The following CEP112 variants were observed in gnomAD, a reference collection of about 807,000 sequenced individuals.
CEP112 encodes the protein centrosomal protein 112, also known as centrosomal protein of 112 kDa.
CEP112 carries 127 observed loss-of-function variants against 153.0 expected under a neutral mutation model. The ratio of observed to expected loss-of-function variants is 0.83; its 90% CI spans 0.72 to 0.96. CEP112 has a LOEUF of 0.96. CEP112 is among the 40% of genes least tolerant of loss of function. The pLI is 0.00. For synonymous variants in CEP112, 358 were observed against 374.4 expected, an observed-to-expected ratio of 0.96 and a Z score of 0.51; for missense variants, 1,089 against 1,101.2, an observed-to-expected ratio of 0.99 and a Z score of 0.16.
chr17:65,843,422 T>C (rs2057600330), intron 21 of CEP112, among the ~76,000 whole-genome samples: 1 of 152,152 alleles, frequency 6.6e-6, no homozygotes, highest in African/African-American at 2.4e-5. Context: ...TTTAAGGATA[T>C]AAAACTTCAC....
chr17:66,119,858 C>T (rs1367040943), intron 6 of CEP112, among the ~76,000 whole-genome samples: 2 of 152,102 alleles, frequency 1.3e-5, no homozygotes, highest in Non-Finnish European at 2.9e-5. Flanking sequence ...GTGAGGGTTC[C>T]AGTTGCTCCT....
chr17:65,719,735 G>A (rs1305075373), intron 23 of CEP112, among the ~76,000 whole-genome samples: 1 of 152,192 alleles, frequency 6.6e-6, no homozygotes, highest in African/African-American at 2.4e-5. Flanking sequence ...GGCTGAAGAT[G>A]AGAGAAAGCT....
chr17:66,007,649 G>T (rs1035808850), intron 16 of CEP112, among the ~76,000 whole-genome samples: 2 of 152,006 alleles, frequency 1.3e-5, no homozygotes, highest in Non-Finnish European at 2.9e-5. Context: ...TTTTACATCA[G>T]TAAAAAATAA....
At position 66,183,104 on chromosome 17, in the gene CEP112, T is replaced by G. The variant is rs1202663225; in HGVS notation, c.106+90A>C. On this transcript the variant is annotated intron_variant, in intron 2 of 26. Coordinates refer to ENST00000535342, the MANE Select transcript of CEP112 (RefSeq NM_001199165.4). ...AAATTGTTACTAGAGAAATTCAGTT[T>G]TTCTTCCATGTTGATAGTTCATTGG... 4.5e-6 allele frequency: 4 copies of G among 886,980 alleles called. No individual in the cohort carries two copies. The East Asian group carries it at 1.1e-4, about 24-fold the overall frequency. The allele number at this position is 886,980 out of a possible 1,614,324, so 54.9% of individuals were successfully genotyped here.
At chr17:66,046,292 TC>T (rs1262030736) in intron 12 of CEP112, among the ~76,000 whole-genome samples, 2 of 152,136 alleles carry the variant, frequency 1.3e-5, no homozygotes, top group Non-Finnish European at 2.9e-5. Flanking sequence ...TCTGCCCGCC[TC>T]GGCCTCCCAA....
At chr17:66,115,160 A>G (rs1334549981) in intron 6 of CEP112, among the ~76,000 whole-genome samples, 1 of 152,100 alleles carries the variant, frequency 6.6e-6, no homozygotes, top group Non-Finnish European at 1.5e-5. Context: ...AGCCAAGATC[A>G]TGCCACTGCA....
chr17:66,156,783 G>A (rs1238892310), intron 4 of CEP112, among the ~76,000 whole-genome samples: 1 of 152,056 alleles, frequency 6.6e-6, no homozygotes, highest in Admixed American at 6.5e-5. Flanking sequence ...AAGGATATCA[G>A]AGATTAAAGA....
chr17:65,647,883 G>C (rs2045528220), intron 24 of CEP112, among the ~76,000 whole-genome samples: 1 of 152,080 alleles, frequency 6.6e-6, no homozygotes, highest in African/African-American at 2.4e-5. Flanking sequence ...CATGAACTTG[G>C]AACTGCTTGA....
rs537943058 is a variant in CEP112, at chr17:66,067,162, G to A, written c.856-285C>T. Among the ~76,000 whole-genome samples, 5 of 152,148 alleles carry A rather than the reference G, an allele frequency of 3.3e-5. No individual in the cohort carries two copies. In the South Asian group the frequency reaches 8.3e-4, roughly 25 times the overall value. On this transcript the variant is annotated intron_variant, in intron 9 of 26. Transcript: ENST00000535342. ...AATTCTAGCCTAGTCAGAAGTTCACGTTTTGCTCTTGCAGCAGCTAGGAGG... is the reference window on the plus strand; with the variant it reads ...AATTCTAGCCTAGTCAGAAGTTCACATTTTGCTCTTGCAGCAGCTAGGAGG...
intron 11 of CEP112, among the ~76,000 whole-genome samples, chr17:66,061,278 T>C (rs934219697): frequency 3.9e-5 from 6 of 151,954 alleles, no homozygotes; most frequent in African/African-American, 9.7e-5. Flanking sequence ...AGTCGAAAGA[T>C]AGCAAGTGTT....
At chr17:66,149,215 T>C (rs910318837) in intron 4 of CEP112, among the ~76,000 whole-genome samples, 1 of 152,244 alleles carries the variant, frequency 6.6e-6, no homozygotes, top group Non-Finnish European at 1.5e-5. Context: ...AAACCTTTAA[T>C]GTGCTGTTGA....
intron 22 of CEP112, among the ~76,000 whole-genome samples, chr17:65,749,553 T>C (rs1833344): frequency 0.11 from 17,024 of 151,852 alleles, 1,660 homozygotes; most frequent in African/African-American, 0.26. Flanking sequence ...AAGGAAGGGA[T>C]TGGGCCAGGC....
chr17:65,971,695 T>A (rs1211895929), intron 17 of CEP112, among the ~76,000 whole-genome samples: 1 of 152,160 alleles, frequency 6.6e-6, no homozygotes, highest in Non-Finnish European at 1.5e-5. Context: ...TGCGTGTATA[T>A]TACATGCATA....
Position 65,650,615 on chromosome 17 carries a change from G to C in CEP112, c.2698-9550C>G, listed in dbSNP as rs2045697802. On this transcript the variant is annotated intron_variant, in intron 24 of 26. Coordinates refer to ENST00000535342, the MANE Select transcript of CEP112 (RefSeq NM_001199165.4). ...GTCTTGCTTTTAATACCAAATACTG[G>C]CCAGGAGCGGTGGCTCATGCCTGTA... is the stretch of plus-strand genomic sequence containing the variant. Among the ~76,000 whole-genome samples, 3 of 151,596 alleles carry C rather than the reference G, an allele frequency of 2.0e-5. No homozygotes were observed. The South Asian group carries it at 6.3e-4, about 32-fold the overall frequency.
chr17:65,982,888 A>G (rs1221185014), intron 17 of CEP112, among the ~76,000 whole-genome samples: 1 of 152,254 alleles, frequency 6.6e-6, no homozygotes, highest in Non-Finnish European at 1.5e-5. Flanking sequence ...CATCAAAAGG[A>G]ATGAAGTGAC....
chr17:65,937,289 G>A, intron 18 of CEP112, among the ~76,000 whole-genome samples: 1 of 109,100 alleles, frequency 9.2e-6, no homozygotes, highest in Non-Finnish European at 1.9e-5. Context: ...TCTGGAAAGT[G>A]AGGAGCATCT....
chr17:65,990,431 C>A (rs1301175155), intron 17 of CEP112, among the ~76,000 whole-genome samples: 1 of 152,206 alleles, frequency 6.6e-6, no homozygotes, highest in Non-Finnish European at 1.5e-5. Flanking sequence ...TGCCACTCCT[C>A]CCCCATCCAC....
intron 20 of CEP112, among the ~76,000 whole-genome samples, chr17:65,898,266 C>T (rs2059724312): frequency 1.3e-5 from 2 of 152,022 alleles, no homozygotes; most frequent in African/African-American, 4.8e-5. Flanking sequence ...TAAATTTACC[C>T]TTCGAGTAAT....
intron 21 of CEP112, among the ~76,000 whole-genome samples, chr17:65,814,133 T>C (rs1019373): frequency 1 from 151,588 of 152,310 alleles, 75,437 homozygotes; most frequent in Middle Eastern, 1. Context: ...AAGGCAAGAG[T>C]AGAATCTGTT....
Sources: gnomAD v4.1 joint callset for allele counts (sites outside exome capture counted in the v4.1 genomes callset) on GRCh38, gnomAD v4.1.1 for gene constraint, MANE v1.5 for transcripts, NCBI Gene and HGNC (gene_info 2026-07-23, HGNC 2026-07-21) for gene names.